ENPP3: variants seen among roughly 807,000 people sequenced by gnomAD.
ENPP3 encodes the protein ectonucleotide pyrophosphatase/phosphodiesterase 3, also known as ectonucleotide pyrophosphatase/phosphodiesterase family member 3.
In ENPP3, 104 loss-of-function variants were observed where a neutral mutation model predicts 117.8. The ratio of observed to expected loss-of-function variants is 0.88; its 90% CI spans 0.75 to 1.04. ENPP3 has a LOEUF of 1.04. ENPP3 is among the 50% of genes least tolerant of loss of function. ENPP3 has a pLI of 0.00. For synonymous variants in ENPP3, 380 were observed against 349.9 expected (o/e 1.09, Z -0.96); for missense variants, 1,026 against 1,051.9 (o/e 0.98, Z 0.34).
chr6:131,674,971 T>C, intron 8 of ENPP3, 109 bp from the exon 9 acceptor site: 2 of 646,592 alleles, frequency 3.1e-6, no homozygotes, highest in Non-Finnish European at 5.5e-6. Context: ...GATTAAAATT[T>C]CAATTTTAAT....
chr6:131,674,045 A>G, intron 7 of ENPP3, 117 bp from the exon 8 acceptor site: 1 of 616,854 alleles, frequency 1.6e-6, no homozygotes, highest in Non-Finnish European at 2.8e-6. Flanking sequence ...GGTGTTTTAC[A>G]TTGAAAGGTA....
chr6:131,724,226 T>TAAAA (rs397941468), intron 19 of ENPP3, 135 bp downstream of exon 19: 2 of 424,288 alleles, frequency 4.7e-6, no homozygotes, highest in Admixed American at 4.8e-5. Context: ...ATACAAAAGG[T>TAAAA]AAAAAAAAAA....
At chr6:131,688,677 C>A (rs183787583) in intron 14 of ENPP3, among the ~76,000 whole-genome samples, 35 of 152,272 alleles carry the variant, frequency 2.3e-4, no homozygotes, top group African/African-American at 7.7e-4. Flanking sequence ...CTTTCTTCAA[C>A]TTTATGAAGG....
intron 15 of ENPP3, among the ~76,000 whole-genome samples, chr6:131,697,875 G>A (rs1356114783): frequency 2.0e-5 from 3 of 152,122 alleles, no homozygotes; most frequent in Admixed American, 2.0e-4. Context: ...AAACAGGGAA[G>A]CCTGTTAGAA....
At chr6:131,682,778 A>G (rs983768616) in intron 11 of ENPP3, among the ~76,000 whole-genome samples, 3 of 152,156 alleles carry the variant, frequency 2.0e-5, no homozygotes, top group African/African-American at 7.2e-5. Flanking sequence ...ACAGTTGAAT[A>G]GTGTTAGTTG....
intron 15 of ENPP3, among the ~76,000 whole-genome samples, chr6:131,694,956 G>A (rs1779371818): frequency 6.6e-6 from 1 of 151,890 alleles, no homozygotes; most frequent in African/African-American, 2.4e-5. Flanking sequence ...CTGGGGATTT[G>A]GCTAAGCCTA....
intron 15 of ENPP3, among the ~76,000 whole-genome samples, chr6:131,694,913 A>G (rs1779370969): frequency 7.1e-6 from 1 of 141,306 alleles, no homozygotes; most frequent in Non-Finnish European, 1.5e-5. Context: ...ACAAGGGACA[A>G]GGGAATTAGG....
chr6:131,722,478 G>A (rs929259042), intron 18 of ENPP3, 73 bp downstream of exon 18: 3 of 1,235,118 alleles, frequency 2.4e-6, no homozygotes, highest in African/African-American at 3.0e-5. Flanking sequence ...GCTGACAACT[G>A]GGGTAGCAAC....
intron 1 of ENPP3, among the ~76,000 whole-genome samples, 178 bp downstream of exon 1, chr6:131,637,640 C>T (rs1000524044): frequency 1.1e-4 from 17 of 152,182 alleles, no homozygotes; most frequent in African/African-American, 3.4e-4. Flanking sequence ...ATATTTTACA[C>T]GTAAGAAATT....
intron 1 of ENPP3, among the ~76,000 whole-genome samples, chr6:131,638,979 C>T (rs1328789167): frequency 6.6e-6 from 1 of 151,832 alleles, no homozygotes; most frequent in African/African-American, 2.4e-5. Context: ...ATGCCTGCTT[C>T]CTGACTCCTG....
chr6:131,659,962 G>A (rs959050589), intron 6 of ENPP3, among the ~76,000 whole-genome samples: 1 of 152,114 alleles, frequency 6.6e-6, no homozygotes, highest in African/African-American at 2.4e-5. Context: ...GAAATATTCA[G>A]CCACTAAGAG....
chr6:131,683,008 T>C (rs753105676), intron 11 of ENPP3, 46 bp from the exon 12 acceptor site: 7 of 1,165,324 alleles, frequency 6.0e-6, no homozygotes, highest in Non-Finnish European at 7.8e-6. Context: ...GTTTGGCTAA[T>C]TAAGACAACT....
intron 23 of ENPP3, among the ~76,000 whole-genome samples, 190 bp from the exon 24 acceptor site, chr6:131,740,034 G>T (rs902186343): frequency 6.6e-6 from 1 of 151,830 alleles, no homozygotes; most frequent in African/African-American, 2.4e-5. Context: ...GGTGGAGTCA[G>T]ATTTTGCACT....
At chr6:131,672,045 T>C (rs1052046991) in intron 7 of ENPP3, among the ~76,000 whole-genome samples, 2 of 152,214 alleles carry the variant, frequency 1.3e-5, no homozygotes, top group African/African-American at 2.4e-5. Context: ...GTATTCTCAT[T>C]ACTTGCAGAT....
intron 5 of ENPP3, among the ~76,000 whole-genome samples, chr6:131,654,470 T>C (rs1778340551): frequency 6.7e-6 from 1 of 149,706 alleles, no homozygotes; most frequent in South Asian, 2.1e-4. Context: ...CAAGACAAGG[T>C]CTCATTCTGT....
Position 131,733,668 on chromosome 6 carries a change from A to G in ENPP3, c.2034A>G (p.Lys678=), listed in dbSNP as rs1198512945. ...DVRVPPSESQ[K]CSFYLADKNI... is the part of the protein sequence containing the mutation. ...GGGTTCCTCCTTCTGAGAGCCAAAA[A>G]TGTTCCTTCTATTTAGCAGACAAGA... The change falls in exon 21 of 25, where the codon AAA becomes AAG. Residue 678 remains lysine (K), a synonymous_variant. Transcript: ENST00000357639. 3 of 1,614,162 alleles carry G rather than the reference A, an allele frequency of 1.9e-6. No homozygotes were observed. The highest frequency in any genetic ancestry group is 2.5e-6 in the Non-Finnish European group (3 of 1,180,002).
chr6:131,654,118 ATTAT>A (rs1177820036), intron 5 of ENPP3, among the ~76,000 whole-genome samples: 1 of 147,294 alleles, frequency 6.8e-6, no homozygotes, highest in Non-Finnish European at 1.5e-5. Flanking sequence ...TTTTATTATT[ATTAT>A]TATTATTATT....
At chr6:131,661,320 C>T (rs1291148997) in intron 6 of ENPP3, among the ~76,000 whole-genome samples, 10 of 151,928 alleles carry the variant, frequency 6.6e-5, no homozygotes, top group African/African-American at 2.4e-5. Flanking sequence ...GCAGCTATGC[C>T]GTTTTGCCTT....
At chr6:131,693,380 C>T (rs1424052544) in intron 14 of ENPP3, 117 bp from the exon 15 acceptor site, 2 of 848,618 alleles carry the variant, frequency 2.4e-6, no homozygotes, top group African/African-American at 1.7e-5. Flanking sequence ...ATTGTATTAG[C>T]CAAGCTGAAA....
Sources: allele counts gnomAD v4.1 joint callset (sites outside exome capture counted in the v4.1 genomes callset), GRCh38; gene constraint gnomAD v4.1.1; transcripts MANE v1.5; gene names NCBI Gene and HGNC (gene_info 2026-07-23, HGNC 2026-07-21).